ZNHIT6: variants seen among roughly 807,000 people sequenced by gnomAD.
ZNHIT6 encodes the protein box C/D snoRNA protein 1.
ZNHIT6 carries 45 observed loss-of-function variants against 57.2 expected under a neutral mutation model. That is an observed-to-expected ratio of 0.79 (90% confidence interval 0.62 to 1.01). The LOEUF (loss-of-function observed/expected upper bound fraction) is 1.01. ZNHIT6 is among the 50% of genes least tolerant of loss of function. The probability of loss-of-function intolerance (pLI) is 0.00; values close to 1 mark genes in which losing one functional copy is unlikely to be tolerated. For missense variants in ZNHIT6, 528 were observed against 567.3 expected (o/e 0.93, Z 0.70); for synonymous variants, 188 against 190.0 (o/e 0.99, Z 0.09).
At chr1:85,676,580 T>A (rs1661710506) in intron 8 of ZNHIT6, among the ~76,000 whole-genome samples, 1 of 152,150 alleles carries the variant, frequency 6.6e-6, no homozygotes, top group South Asian at 2.1e-4. Context: ...TCACAGGCCA[T>A]TGTGTGGTTA....
intron 8 of ZNHIT6, among the ~76,000 whole-genome samples, chr1:85,667,535 G>A (rs1471258931): frequency 6.6e-6 from 1 of 151,208 alleles, no homozygotes; most frequent in African/African-American, 2.4e-5. Context: ...ATGGTGTATT[G>A]TGAATATTGA....
chr1:85,677,005 A>G lies in ZNHIT6; in HGVS notation c.1247+231T>C, dbSNP rs74555905. ...TAAAAGAATGCTTATATTTTAAAAT[A>G]TTCTATTTCCCCTATATCAGTTGAC... On this transcript the variant is annotated intron_variant, in intron 8 of 9. Transcript: ENST00000370574. Among the ~76,000 whole-genome samples the G allele has an allele frequency of 9.3e-3, 1,413 of 152,344 alleles. 58 individuals are homozygous for G. Among genetic ancestry groups the G allele is most frequent in the Admixed American group, 0.063 (958 of 15,304 alleles).
intron 5 of ZNHIT6, among the ~76,000 whole-genome samples, chr1:85,690,526 A>G (rs905101441): frequency 2.0e-5 from 3 of 152,120 alleles, no homozygotes; most frequent in African/African-American, 7.2e-5. Context: ...TTCCCTCGAA[A>G]GGCTGGGGCA....
intron 5 of ZNHIT6, among the ~76,000 whole-genome samples, chr1:85,689,026 T>C (rs1662141476): frequency 6.6e-6 from 1 of 152,204 alleles, no homozygotes; most frequent in Non-Finnish European, 1.5e-5. Context: ...AAGGGATTGA[T>C]ACAAACATTT....
intron 8 of ZNHIT6, among the ~76,000 whole-genome samples, chr1:85,668,884 A>G (rs1661464108): frequency 6.6e-6 from 1 of 152,158 alleles, no homozygotes; most frequent in Non-Finnish European, 1.5e-5. Context: ...ATTGTGTGGG[A>G]ACCAAAAATG....
chr1:85,708,417 G>T lies in ZNHIT6; in HGVS notation c.-133C>A, dbSNP rs1662762417. Reference sequence around the variant, plus strand: ...GCCAAGCAGCCACAAACCCGGAATAGCCTGCTTGACGCGACTGCTCGAATC... The same window carrying T: ...GCCAAGCAGCCACAAACCCGGAATATCCTGCTTGACGCGACTGCTCGAATC... On this transcript the variant is annotated 5_prime_UTR_variant, in exon 1 of 10. Transcript: ENST00000370574. 5.1e-6 allele frequency: 6 copies of T among 1,178,416 alleles called. No individual in the cohort carries two copies. Among genetic ancestry groups the T allele is most frequent in the South Asian group, 1.6e-5 (1 of 63,826 alleles). The allele number at this position is 1,178,416 out of a possible 1,614,324, so 73.0% of individuals were successfully genotyped here.
At chr1:85,673,393 T>A (rs911725082) in intron 8 of ZNHIT6, among the ~76,000 whole-genome samples, 11 of 152,182 alleles carry the variant, frequency 7.2e-5, no homozygotes, top group Admixed American at 1.3e-4. Context: ...AGGATCGCAA[T>A]TTAAAAAATA....
At chr1:85,692,660 A>G (rs754482320) in intron 5 of ZNHIT6, among the ~76,000 whole-genome samples, 36 of 151,914 alleles carry the variant, frequency 2.4e-4, no homozygotes, top group Non-Finnish European at 4.6e-4. Flanking sequence ...ACTCTTTTCT[A>G]AAGCCAATTT....
At chr1:85,664,275 T>G (rs1661305252) in intron 8 of ZNHIT6, among the ~76,000 whole-genome samples, 3 of 152,226 alleles carry the variant, frequency 2.0e-5, no homozygotes, top group African/African-American at 7.2e-5. Context: ...TATTTTTGTC[T>G]GCTTTATTTC....
chr1:85,694,586 C>T (rs937454230), intron 5 of ZNHIT6, among the ~76,000 whole-genome samples: 2 of 152,120 alleles, frequency 1.3e-5, no homozygotes, highest in African/African-American at 2.4e-5. Context: ...CTCAGCCTCC[C>T]GCGTAGCTGG....
intron 8 of ZNHIT6, among the ~76,000 whole-genome samples, chr1:85,663,609 C>A (rs1661283372): frequency 6.6e-6 from 1 of 152,078 alleles, no homozygotes; most frequent in Non-Finnish European, 1.5e-5. Context: ...TGGGGGGAGG[C>A]AGACAAACAG....
At chr1:85,696,175 ATTTTT>A (rs11327941) in intron 5 of ZNHIT6, among the ~76,000 whole-genome samples, 1 of 143,738 alleles carries the variant, frequency 7.0e-6, no homozygotes. Context: ...TATTAACTGC[ATTTTT>A]TTTTTTTTTT....
At position 85,708,338 on chromosome 1, in the gene ZNHIT6, C is replaced by T; in HGVS notation, c.-54G>A. 6.5e-7 allele frequency: 1 copy of T among 1,536,826 alleles called. No individual in the cohort carries two copies. On this transcript the variant is annotated 5_prime_UTR_variant, in exon 1 of 10. Transcript: ENST00000370574. The stretch of plus-strand genomic sequence containing the variant: ...ACTCTATCCTTCAATGTGGCTGCTG[C>T]ACACCAATAGGAGGAATTACCGGTC...
chr1:85,651,793 C>T lies in ZNHIT6; in HGVS notation c.*2265G>A, dbSNP rs890525281. On this transcript the variant is annotated 3_prime_UTR_variant, in exon 10 of 10. Coordinates refer to ENST00000370574, the MANE Select transcript of ZNHIT6 (RefSeq NM_017953.4). ...TGACAATAAGCTAACATGGAGAGGG[C>T]CTCCAAAAAGATATTGGGTCTCAAT... The T allele has an allele frequency of 6.6e-6, 1 of 152,088 alleles. No homozygotes were observed. The highest frequency in any genetic ancestry group is 1.5e-5 in the Non-Finnish European group (1 of 68,032). 9.4% of individuals were successfully genotyped at this position (152,088 alleles called of 1,614,324 possible). A position where few individuals can be genotyped will look rare whatever the true frequency, so the allele number is the denominator to read the frequency against.
Position 85,654,066 on chromosome 1 carries a change from C to G in ZNHIT6, c.1405G>C (p.Glu469Gln). 6.2e-7 allele frequency: 1 copy of G among 1,612,384 alleles called. No individual in the cohort carries two copies. Among genetic ancestry groups the G allele is most frequent in the Non-Finnish European group, 8.5e-7 (1 of 1,179,298 alleles). ...TCTTCCAGAAAAAATGCTCAATTTTCATTGCCAACGTTCTTGGTAGATTCA... is the reference window on the plus strand; with the variant it reads ...TCTTCCAGAAAAAATGCTCAATTTTGATTGCCAACGTTCTTGGTAGATTCA... ...KSESTKNVGN[E>Q]N The change falls in exon 10 of 10, where the codon GAA (glutamate) becomes CAA (glutamine). Residue 469 changes from glutamate to glutamine, a missense_variant. By Grantham distance (29) the Glu-to-Gln change is conservative. Transcript: ENST00000370574.
intron 8 of ZNHIT6, among the ~76,000 whole-genome samples, chr1:85,664,179 G>C (rs1038513492): frequency 6.6e-6 from 1 of 152,054 alleles, no homozygotes; most frequent in Admixed American, 6.6e-5. Flanking sequence ...TCCCCTTCAG[G>C]GATGCCAATG....
At chr1:85,706,002 G>C in intron 4 of ZNHIT6, 76 bp downstream of exon 4, 1 of 1,160,994 alleles carries the variant, frequency 8.6e-7, no homozygotes. Flanking sequence ...TAATATATTT[G>C]GTAAGTTAAA....
chr1:85,689,397 T>A (rs1264085859), intron 5 of ZNHIT6, among the ~76,000 whole-genome samples: 1 of 152,166 alleles, frequency 6.6e-6, no homozygotes, highest in African/African-American at 2.4e-5. Context: ...TTTTTGGAAG[T>A]ATGAATACAA....
chr1:85,705,983 G>A, intron 4 of ZNHIT6, 95 bp downstream of exon 4: 2 of 998,710 alleles, frequency 2.0e-6, no homozygotes, highest in Non-Finnish European at 2.9e-6. Context: ...CTACATCATG[G>A]TAGCCACTTA....
Sources: allele counts gnomAD v4.1 joint callset (sites outside exome capture counted in the v4.1 genomes callset), GRCh38; gene constraint gnomAD v4.1.1; transcripts MANE v1.5; gene names NCBI Gene and HGNC (gene_info 2026-07-23, HGNC 2026-07-21).